UVRAG: variants seen among roughly 807,000 people sequenced by gnomAD.
The protein encoded by UVRAG is UV radiation resistance-associated gene protein.
A neutral mutation model predicts 78.0 loss-of-function variants in UVRAG; 19 were observed. The observed-to-expected ratio is 0.24, with a 90% CI of 0.17 to 0.36. The LOEUF (loss-of-function observed/expected upper bound fraction) is 0.36, where lower values mean the gene tolerates loss of function less well. UVRAG is among the 10% of genes least tolerant of loss of function. The pLI, the probability that UVRAG is intolerant of heterozygous loss-of-function variation, is 1.00. For synonymous variants in UVRAG, 323 were observed against 324.6 expected (o/e 1.00, Z 0.05); for missense variants, 740 against 853.8 (o/e 0.87, Z 1.66).
intron 14 of UVRAG, among the ~76,000 whole-genome samples, chr11:76,138,340 A>G (rs1198962860): frequency 6.6e-6 from 1 of 152,184 alleles, no homozygotes; most frequent in East Asian, 1.9e-4. Flanking sequence ...TCCTCACAGG[A>G]CACTCGAGGG....
intron 9 of UVRAG, among the ~76,000 whole-genome samples, chr11:76,005,213 G>T (rs1591122434): frequency 1.3e-5 from 2 of 152,078 alleles, no homozygotes; most frequent in African/African-American, 2.4e-5. Flanking sequence ...TGTGGTGGCG[G>T]ATGCCTATAG....
chr11:76,026,391 TGTTA>T (rs1361928648), intron 12 of UVRAG, among the ~76,000 whole-genome samples: 3 of 152,164 alleles, frequency 2.0e-5, no homozygotes, highest in Non-Finnish European at 2.9e-5. Context: ...AGCTTCTGTT[TGTTA>T]ATCAAGCTAT....
intron 4 of UVRAG, among the ~76,000 whole-genome samples, chr11:75,881,676 C>T (rs947500064): frequency 2.0e-5 from 3 of 152,262 alleles, no homozygotes; most frequent in Non-Finnish European, 4.4e-5. Context: ...CTTGGCCTCC[C>T]GAAGAACTGG....
intron 1 of UVRAG, among the ~76,000 whole-genome samples, chr11:75,840,354 C>G (rs1446311626): frequency 6.6e-6 from 1 of 151,906 alleles, no homozygotes; most frequent in South Asian, 2.1e-4. Flanking sequence ...GAGACACTTA[C>G]AGAGGGCGGT....
chr11:76,045,172 C>T lies in UVRAG; in HGVS notation c.1227-20538C>T, dbSNP rs115661241. 3.3e-3 allele frequency among the ~76,000 whole-genome samples: 500 copies of T among 152,308 alleles called. 2 individuals are homozygous for T. Among genetic ancestry groups the T allele is most frequent in the African/African-American group, 0.011 (477 of 41,552 alleles). On this transcript the variant is annotated intron_variant, in intron 12 of 14. Coordinates refer to ENST00000356136, the MANE Select transcript of UVRAG (RefSeq NM_003369.4). ...ACTAGACTAATGCTGGATTCAGAGA[C>T]AGCTAGCATAACTGAGGGCAGAGGT...
intron 14 of UVRAG, among the ~76,000 whole-genome samples, chr11:76,118,047 A>C (rs1327634224): frequency 6.6e-6 from 1 of 152,206 alleles, no homozygotes; most frequent in Non-Finnish European, 1.5e-5. Flanking sequence ...GTTTTATGAC[A>C]TTGGGTCTTC....
At chr11:76,115,891 A>G (rs1952168263) in intron 13 of UVRAG, 33 bp from the exon 14 acceptor site, 1 of 1,605,264 alleles carries the variant, frequency 6.2e-7, no homozygotes, top group African/African-American at 1.3e-5. Context: ...AATCTGCCAA[A>G]ATATCTTTAA....
At chr11:76,092,060 C>T (rs1444573868) in intron 13 of UVRAG, among the ~76,000 whole-genome samples, 2 of 152,060 alleles carry the variant, frequency 1.3e-5, no homozygotes, top group African/African-American at 4.8e-5. Context: ...GTTCAATTCC[C>T]ACCTATGAGT....
rs115207882 is a variant in UVRAG at position 75,997,540 on chromosome 11, T to G, written c.827-6465T>G. On this transcript the variant is annotated intron_variant, in intron 8 of 14. Transcript: ENST00000356136. Reference sequence around the variant, plus strand: ...GATGGTAAACCAAGCTCCGGCATTTTTGTTCCCTCTCTCCCAATGACCTAT... The same window carrying G: ...GATGGTAAACCAAGCTCCGGCATTTGTGTTCCCTCTCTCCCAATGACCTAT... Among the ~76,000 whole-genome samples, 1,389 of 152,324 alleles carry G rather than the reference T, an allele frequency of 9.1e-3. 24 individuals carry two copies. Among genetic ancestry groups the G allele is most frequent in the African/African-American group, 0.032 (1,321 of 41,558 alleles).
intron 7 of UVRAG, among the ~76,000 whole-genome samples, chr11:75,981,202 C>G (rs1949384787): frequency 1.3e-5 from 2 of 152,090 alleles, no homozygotes; most frequent in Admixed American, 1.3e-4. Context: ...ACCTCCACCT[C>G]CCAGGTTCAA....
At chr11:76,077,279 AG>A (rs913892525) in intron 13 of UVRAG, among the ~76,000 whole-genome samples, 6 of 151,832 alleles carry the variant, frequency 4.0e-5, no homozygotes, top group African/African-American at 1.4e-4. Flanking sequence ...CTGTGTTTAA[AG>A]GGATAACATA....
At chr11:76,114,857 A>G (rs1008410964) in intron 13 of UVRAG, among the ~76,000 whole-genome samples, 3 of 152,224 alleles carry the variant, frequency 2.0e-5, no homozygotes, top group African/African-American at 7.2e-5. Flanking sequence ...AGAGAGGGAT[A>G]TATTTAAAAG....
chr11:76,104,424 C>T (rs1040545871), intron 13 of UVRAG, among the ~76,000 whole-genome samples: 5 of 152,266 alleles, frequency 3.3e-5, no homozygotes, highest in Non-Finnish European at 5.9e-5. Flanking sequence ...CTCACGGTTT[C>T]TTTAACCGTG....
intron 1 of UVRAG, among the ~76,000 whole-genome samples, chr11:75,849,781 A>G (rs895939285): frequency 6.6e-6 from 1 of 152,256 alleles, no homozygotes; most frequent in African/African-American, 2.4e-5. Context: ...TAAGGGAGCA[A>G]CTAATTTTGT....
chr11:75,914,270 C>G (rs1224723427), intron 6 of UVRAG: 1 of 152,164 alleles, frequency 6.6e-6, no homozygotes, highest in East Asian at 1.9e-4. Context: ...AATTGTGTGC[C>G]TATTGAATTA....
chr11:75,894,223 C>G (rs977741066), intron 5 of UVRAG, among the ~76,000 whole-genome samples: 1 of 152,166 alleles, frequency 6.6e-6, no homozygotes, highest in Admixed American at 6.5e-5. Context: ...TAGGAACTGT[C>G]TGTCACAATC....
intron 12 of UVRAG, among the ~76,000 whole-genome samples, chr11:76,020,723 C>T (rs1310292017): frequency 4.8e-5 from 7 of 144,592 alleles, no homozygotes; most frequent in East Asian, 4.3e-4. Flanking sequence ...ACAAGAACTT[C>T]CTTAGCCACC....
intron 8 of UVRAG, among the ~76,000 whole-genome samples, chr11:75,991,402 CT>C (rs781077088): frequency 6.6e-6 from 1 of 152,082 alleles, no homozygotes; most frequent in Non-Finnish European, 1.5e-5. Flanking sequence ...GGTTTAGGGA[CT>C]TTTGACCTTT....
intron 13 of UVRAG, among the ~76,000 whole-genome samples, chr11:76,076,570 G>T (rs891067612): frequency 5.9e-5 from 9 of 152,034 alleles, no homozygotes; most frequent in Non-Finnish European, 1.2e-4. Context: ...ATGAGATTTG[G>T]GTGGGGACAC....
Sources: gnomAD v4.1 joint callset for allele counts (sites outside exome capture counted in the v4.1 genomes callset) on GRCh38, gnomAD v4.1.1 for gene constraint, MANE v1.5 for transcripts, NCBI Gene and HGNC (gene_info 2026-07-23, HGNC 2026-07-21) for gene names.